LRRC27: variants seen among roughly 807,000 people sequenced by gnomAD.
LRRC27 encodes leucine rich repeat containing 27, also known as leucine-rich repeat-containing protein 27.
Under a neutral mutation model 55.0 loss-of-function variants are expected in LRRC27, and 57 were observed. The observed-to-expected ratio is 1.04, with a 90% CI of 0.84 to 1.29. The LOEUF is 1.29. LRRC27 is among the 50% of genes most tolerant of loss of function. The probability of loss-of-function intolerance (pLI) is 0.00; values close to 1 mark genes in which losing one functional copy is unlikely to be tolerated. For synonymous variants in LRRC27, 278 were observed against 251.9 expected (o/e 1.10, Z -0.98); for missense variants, 721 against 651.5 (o/e 1.11, Z -1.16).
intron 2 of LRRC27, chr10:132,337,148 A>C: frequency 8.4e-7 from 1 of 1,194,166 alleles, no homozygotes. Context: ...CCCAGACCAG[A>C]CATGGCTCTG....
chr10:132,331,290 G>A (rs971732012), upstream of LRRC27: 10 of 737,506 alleles, frequency 1.4e-5, no homozygotes, highest in African/African-American at 1.4e-4. Context: ...TGGGACAGAG[G>A]GTGCTACTTT....
chr10:132,346,945 T>A (rs2067729472), intron 5 of LRRC27, among the ~76,000 whole-genome samples: 1 of 152,210 alleles, frequency 6.6e-6, no homozygotes, highest in South Asian at 2.1e-4. Flanking sequence ...GGGCGTGATG[T>A]CCATGCGCCT....
Position 132,348,492 on chromosome 10 carries a change from C to A in LRRC27, c.926+136C>A. On this transcript the variant is annotated intron_variant, in intron 6 of 10. Coordinates refer to ENST00000368614, the MANE Select transcript of LRRC27 (RefSeq NM_030626.3). This position sits in a 1 kb window ranked among gnomAD's most constrained non-coding sequence, Gnocchi z 4.2. ...CCACCGTTTACTGTGCAGTGAGTGC[C>A]GGTCCCAGGTTTAGGGTAACGGGGA... The A allele has an allele frequency of 2.5e-6, 3 of 1,223,224 alleles. No individual in the cohort carries two copies. The highest frequency in any genetic ancestry group is 3.0e-5 in the South Asian group (2 of 66,268). 75.8% of individuals were successfully genotyped at this position (1,223,224 alleles called of 1,614,324 possible).
At chr10:132,331,724 C>A, upstream of LRRC27, 10 of 1,612,544 alleles carry the variant, frequency 6.2e-6, no homozygotes, top group Non-Finnish European at 8.5e-6. Flanking sequence ...GCTCCCCAGA[C>A]GGCACTTAGC....
At chr10:132,336,624 C>T in intron 2 of LRRC27, 1 of 638,496 alleles carries the variant, frequency 1.6e-6, no homozygotes, top group Non-Finnish European at 2.8e-6. Flanking sequence ...ACGCACTGTT[C>T]TTTAGTGCTT....
intron 2 of LRRC27, among the ~76,000 whole-genome samples, chr10:132,335,770 A>G (rs2138599708): frequency 6.6e-6 from 1 of 152,308 alleles, no homozygotes; most frequent in East Asian, 1.9e-4. Flanking sequence ...GTCGTGGCCC[A>G]CAATGCATTG....
intron 3 of LRRC27, among the ~76,000 whole-genome samples, chr10:132,339,168 A>G (rs1026648715): frequency 2.6e-5 from 4 of 152,142 alleles, no homozygotes; most frequent in Non-Finnish European, 4.4e-5. Context: ...TGGGGCCACA[A>G]GAAGAAGAGG....
At position 132,372,930 on chromosome 10, in the gene LRRC27, C is replaced by T. The variant is rs1030565064; in HGVS notation, c.1417-2136C>T. On this transcript the variant is annotated intron_variant, in intron 10 of 10. Transcript: ENST00000368614. This position sits in a 1 kb window ranked among gnomAD's most constrained non-coding sequence, Gnocchi z 4.0. ...CAGCCTCGTTCCAGGGCCTCAGTCACGAGAGGTTCCTCAGCTGTTGAGGGA... is the reference window on the plus strand; with the variant it reads ...CAGCCTCGTTCCAGGGCCTCAGTCATGAGAGGTTCCTCAGCTGTTGAGGGA... 3.9e-5 allele frequency among the ~76,000 whole-genome samples: 6 copies of T among 152,076 alleles called. No individual in the cohort carries two copies. Among genetic ancestry groups the T allele is most frequent in the Admixed American group, 2.6e-4 (4 of 15,272 alleles).
At chr10:132,369,860 C>A (rs932955709) in intron 10 of LRRC27, among the ~76,000 whole-genome samples, 1 of 152,276 alleles carries the variant, frequency 6.6e-6, no homozygotes, top group East Asian at 1.9e-4. Flanking sequence ...ACTGTTCTCC[C>A]GTGCTCCCCC....
rs140515524 is a variant in LRRC27, at chr10:132,365,727, G to A, written c.1416+177G>A. On this transcript the variant is annotated intron_variant, in intron 10 of 10. Transcript: ENST00000368614. The stretch of plus-strand genomic sequence containing the variant: ...AGCGATTCTCCTGCCTCAGCCTCCC[G>A]AGTAGCTGGGACAAGTGTACACCAC... Among the ~76,000 whole-genome samples the A allele has an allele frequency of 8.9e-3, 1,358 of 152,194 alleles. 3 individuals carry two copies. Among genetic ancestry groups the A allele is most frequent in the Non-Finnish European group, 0.014 (973 of 67,992 alleles).
chr10:132,342,452 T>C (rs1415038221), intron 4 of LRRC27, among the ~76,000 whole-genome samples, 181 bp downstream of exon 4: 1 of 152,186 alleles, frequency 6.6e-6, no homozygotes, highest in Non-Finnish European at 1.5e-5. Flanking sequence ...GTACTGTTCT[T>C]ATGGAGGTGT....
upstream of LRRC27, chr10:132,331,404 A>G: frequency 6.3e-7 from 1 of 1,577,660 alleles, no homozygotes; most frequent in Non-Finnish European, 8.6e-7. Context: ...ATCTTCTTCC[A>G]AATTCTCAAA....
In LRRC27 at chr10:132,335,575, T is replaced by TGG. The variant is rs548574139; in HGVS notation, c.210+1848_210+1849dup. On this transcript the variant is annotated intron_variant, in intron 2 of 10. Coordinates refer to ENST00000368614, the MANE Select transcript of LRRC27 (RefSeq NM_030626.3). ...CCAGATCCTCATAGGCTGAGTACTATGGGGGGGGTCACAGTCTTCCTGGAT... is the reference window on the plus strand; with the variant it reads ...CCAGATCCTCATAGGCTGAGTACTATGGGGGGGGGGTCACAGTCTTCCTGGAT... Among the ~76,000 whole-genome samples, 197 of 141,486 alleles carry TGG rather than the reference T, an allele frequency of 1.4e-3. 2 individuals carry two copies. Among genetic ancestry groups the TGG allele is most frequent in the African/African-American group, 4.7e-3 (176 of 37,718 alleles). 92.8% of individuals were successfully genotyped at this position (141,486 alleles called of 152,430 possible).
At chr10:132,342,057 A>G (rs1360005034) in intron 3 of LRRC27, among the ~76,000 whole-genome samples, 156 bp from the exon 4 acceptor site, 1 of 152,254 alleles carries the variant, frequency 6.6e-6, no homozygotes, top group African/African-American at 2.4e-5. Flanking sequence ...TGCATATGAC[A>G]GCAGACCATT....
intron 8 of LRRC27, among the ~76,000 whole-genome samples, chr10:132,361,182 T>C (rs1048873165): frequency 6.6e-6 from 1 of 152,140 alleles, no homozygotes; most frequent in Non-Finnish European, 1.5e-5. Context: ...CCTTCCGAGC[T>C]ACCCCAGGGT....
Position 132,351,768 on chromosome 10 carries a change from G to A in LRRC27, c.1073+15G>A. ...CAGCAGAGACGGTGAGTCCACACAGGGTGGGGGTCCGCACAGCCCGCCCAG... is the reference window on the plus strand; with the variant it reads ...CAGCAGAGACGGTGAGTCCACACAGAGTGGGGGTCCGCACAGCCCGCCCAG... On this transcript the variant is annotated intron_variant, in intron 7 of 10. Transcript: ENST00000368614. The A allele has an allele frequency of 1.2e-6, 2 of 1,604,084 alleles. No individual in the cohort carries two copies. Among genetic ancestry groups the A allele is most frequent in the Non-Finnish European group, 1.7e-6 (2 of 1,174,904 alleles).
intron 9 of LRRC27, among the ~76,000 whole-genome samples, chr10:132,363,738 C>CGTCT (rs1564851988): frequency 6.6e-6 from 1 of 152,176 alleles, no homozygotes; most frequent in Non-Finnish European, 1.5e-5. Flanking sequence ...GCTCAGCGTA[C>CGTCT]GTCTGCCAGG....
intron 9 of LRRC27, among the ~76,000 whole-genome samples, chr10:132,363,113 C>T (rs935213107): frequency 2.4e-5 from 3 of 124,210 alleles, no homozygotes; most frequent in Non-Finnish European, 5.3e-5. Flanking sequence ...CACACCAGCT[C>T]GGGGGTCCAG....
At chr10:132,368,391 ACAAAGT>A (rs1206008946) in intron 10 of LRRC27, among the ~76,000 whole-genome samples, 1 of 152,230 alleles carries the variant, frequency 6.6e-6, no homozygotes, top group Non-Finnish European at 1.5e-5. Context: ...TGATGGAAAA[ACAAAGT>A]CAGAGGACTG....
Sources: gnomAD v4.1 joint callset for allele counts (sites outside exome capture counted in the v4.1 genomes callset) on GRCh38, gnomAD v4.1.1 for gene constraint, Gnocchi (gnomAD v3.1) non-coding constraint, MANE v1.5 for transcripts, NCBI Gene and HGNC (gene_info 2026-07-23, HGNC 2026-07-21) for gene names.